Variants in COG3 observed in about 807,000 individuals in gnomAD.
COG3 encodes the protein conserved oligomeric Golgi complex subunit 3.
Under a neutral mutation model 114.1 loss-of-function variants are expected in COG3, and 32 were observed. The ratio of observed to expected loss-of-function variants is 0.28; its 90% CI spans 0.21 to 0.38. COG3 has a LOEUF of 0.38. Among genes scored for constraint, COG3 ranks in the 10% least tolerant of loss-of-function variants. The probability of loss-of-function intolerance (pLI) is 1.00; values close to 1 mark genes in which losing one functional copy is unlikely to be tolerated. For synonymous variants in COG3, 352 were observed against 365.7 expected (o/e 0.96, Z 0.43); for missense variants, 813 against 973.2 (o/e 0.84, Z 2.19).
chr13:45,488,048 A>T (rs954118039), intron 8 of COG3, among the ~76,000 whole-genome samples: 6 of 152,244 alleles, frequency 3.9e-5, no homozygotes, highest in African/African-American at 1.2e-4. Context: ...TTCAGCTGTA[A>T]CAAAAAATGA....
At chr13:45,494,325 TA>T (rs756763419) in intron 12 of COG3, among the ~76,000 whole-genome samples, 4,571 of 117,026 alleles carry the variant, frequency 0.039, 208 homozygotes, top group African/African-American at 0.12. Context: ...GACTCTGTCT[TA>T]AAAAAAAAAA....
Position 45,530,604 on chromosome 13 carries a change from A to C in COG3, c.2359-78A>C, listed in dbSNP as rs554970527. On this transcript the variant is annotated intron_variant, in intron 21 of 22. Coordinates refer to ENST00000349995, the MANE Select transcript of COG3 (RefSeq NM_031431.4). ...ATCGCTTCCACTCGCTTTGGCAAAT[A>C]TCATTACAATTTAACATTCATGGTG... 3 of 888,402 alleles carry C rather than the reference A, an allele frequency of 3.4e-6. No individual in the cohort carries two copies. In the South Asian group the frequency reaches 4.0e-5, roughly 12 times the overall value. The allele number at this position is 888,402 out of a possible 1,614,324, so 55.0% of individuals were successfully genotyped here.
rs751324974 is a variant in COG3, at chr13:45,482,458, A to G, written c.702A>G (p.Thr234=). 2.0e-6 allele frequency: 3 copies of G among 1,489,096 alleles called. No individual in the cohort carries two copies. Among genetic ancestry groups the G allele is most frequent in the Non-Finnish European group, 2.8e-6 (3 of 1,076,426 alleles). The allele number at this position is 1,489,096 out of a possible 1,614,324, so 92.2% of individuals were successfully genotyped here. A position where few individuals can be genotyped will look rare whatever the true frequency, so the allele number is the denominator to read the frequency against. Residue 234 remains threonine, a synonymous_variant, in exon 6 of 23, where the codon ACA becomes ACG. Transcript: ENST00000349995. ...PMLAKLDDCI[T]YISSHPNFKD... is the part of the protein sequence containing the mutation. ...TGGCCAAGTTAGATGATTGTATAAC[A>G]TATATCTCATCTCATGTAAGTCAGA...
chr13:45,518,728 A>G, intron 17 of COG3, 34 bp from the exon 18 acceptor site: 1 of 1,525,902 alleles, frequency 6.6e-7, no homozygotes, highest in South Asian at 1.2e-5. Flanking sequence ...TTGAAACTTT[A>G]CATGTTCACT....
intron 7 of COG3, 94 bp downstream of exon 7, chr13:45,483,449 A>G (rs1257301690): frequency 1.0e-6 from 1 of 966,808 alleles, no homozygotes; most frequent in Non-Finnish European, 1.4e-6. Context: ...AGTACTTTGT[A>G]ATTCCAAAAA....
At chr13:45,525,244 CAAGG>C (rs1872558696) in intron 20 of COG3, among the ~76,000 whole-genome samples, 193 bp downstream of exon 20, 1 of 151,922 alleles carries the variant, frequency 6.6e-6, no homozygotes, top group African/African-American at 2.4e-5. Context: ...GCAAGCATTC[CAAGG>C]AAGGAAGAAT....
chr13:45,465,023 C>T lies in COG3; in HGVS notation c.-14C>T, dbSNP rs1358451885. On this transcript the variant is annotated 5_prime_UTR_variant, in exon 1 of 23. Transcript: ENST00000349995. ...TCCATCTCGCTGCTGCTGAAGGCCG[C>T]GAGGGCGGCGGCGATGGCGGAGGCG... 3.2e-6 allele frequency: 5 copies of T among 1,555,868 alleles called. No homozygotes were observed. Among genetic ancestry groups the T allele is most frequent in the African/African-American group, 1.4e-5 (1 of 73,422 alleles).
chr13:45,488,175 T>G (rs529875016), intron 8 of COG3, among the ~76,000 whole-genome samples: 1 of 151,970 alleles, frequency 6.6e-6, no homozygotes, highest in Non-Finnish European at 1.5e-5. Flanking sequence ...ACTAAAAAAG[T>G]TGGTCTTGTG....
In COG3 at chr13:45,486,540, T is replaced by C. The variant is rs1886682392; in HGVS notation, c.889T>C (p.Tyr297His). 6.2e-7 allele frequency: 1 copy of C among 1,611,148 alleles called. No individual in the cohort carries two copies. Among genetic ancestry groups the C allele is most frequent in the Non-Finnish European group, 8.5e-7 (1 of 1,177,304 alleles). The stretch of plus-strand genomic sequence containing the variant: ...TGCAGACAATGCCTTCACATTATTT[T>C]ATGTGAAATTTCGAGCTGCTGCCCC... ...PNADNAFTLFYVKFRAAAPKV... is the reference protein window; with the variant it reads ...PNADNAFTLFHVKFRAAAPKV... Residue 297 changes from tyrosine to histidine, a missense_variant, in exon 8 of 23, where the codon TAT becomes CAT. Tyr to His is a moderately conservative substitution (Grantham distance 83). Transcript: ENST00000349995.
chr13:45,513,125 T>C (rs1593733906), intron 16 of COG3, among the ~76,000 whole-genome samples: 1 of 150,378 alleles, frequency 6.6e-6, no homozygotes, highest in South Asian at 2.1e-4. Context: ...ACTTGGAGTG[T>C]TCAGATCCTG....
intron 19 of COG3, among the ~76,000 whole-genome samples, chr13:45,522,286 AT>A (rs1458350790): frequency 6.6e-6 from 1 of 152,166 alleles, no homozygotes; most frequent in Non-Finnish European, 1.5e-5. Context: ...GTTTGGACTG[AT>A]TTTTAACAAT....
At position 45,465,363 on chromosome 13, in the gene COG3, C is replaced by T. The variant is rs530760522; in HGVS notation, c.174+153C>T. ...GGATCCGGTGGGAGGGGCCTCATCTCCCAGGCTGTCAGGCTTCGCTCTGCC... is the reference window on the plus strand; with the variant it reads ...GGATCCGGTGGGAGGGGCCTCATCTTCCAGGCTGTCAGGCTTCGCTCTGCC... On this transcript the variant is annotated intron_variant, in intron 1 of 22. Transcript: ENST00000349995. The T allele has an allele frequency of 6.2e-6, 8 of 1,282,716 alleles. No individual in the cohort carries two copies. In the African/African-American group the frequency reaches 9.1e-5, roughly 15 times the overall value. 79.5% of individuals were successfully genotyped at this position (1,282,716 alleles called of 1,614,324 possible).
chr13:45,489,668 G>GA (rs1233087655), intron 8 of COG3, among the ~76,000 whole-genome samples: 1 of 152,000 alleles, frequency 6.6e-6, no homozygotes, highest in Non-Finnish European at 1.5e-5. Context: ...TAAGGATGAA[G>GA]AAAATGACAA....
rs1873544874 is a variant in COG3 at position 45,536,314 on chromosome 13, A to G, written c.*1583A>G. On this transcript the variant is annotated 3_prime_UTR_variant, in exon 23 of 23. Transcript: ENST00000349995. The stretch of plus-strand genomic sequence containing the variant: ...AATGAGGGCATGATTATTGTACAGT[A>G]AGTACGTGACTGATTTAATTTGATT... 1 of 152,258 alleles carries G rather than the reference A, an allele frequency of 6.6e-6. No individual in the cohort carries two copies. The highest frequency in any genetic ancestry group is 2.4e-5 in the African/African-American group (1 of 41,468). 9.4% of individuals were successfully genotyped at this position (152,258 alleles called of 1,614,324 possible).
Position 45,529,855 on chromosome 13 carries a change from G to A in COG3, c.2295G>A (p.Leu765=). ...TAAAAACAAAGCTGCCTGTGACATT[G>A]AGAAGTATGTCCTTGTACCTATCCA... is the stretch of plus-strand genomic sequence containing the variant. ...KTIKTKLPVT[L]RSMSLYLSNK... The change falls in exon 21 of 23, where the codon TTG becomes TTA. Residue 765 remains leucine, a synonymous_variant. Coordinates refer to ENST00000349995, the MANE Select transcript of COG3 (RefSeq NM_031431.4). 6.2e-7 allele frequency: 1 copy of A among 1,613,742 alleles called. No homozygotes were observed. The highest frequency in any genetic ancestry group is 8.5e-7 in the Non-Finnish European group (1 of 1,179,718).
At chr13:45,468,862 C>T (rs1218220894) in intron 1 of COG3, among the ~76,000 whole-genome samples, 2 of 152,192 alleles carry the variant, frequency 1.3e-5, no homozygotes, top group African/African-American at 4.8e-5. Context: ...GTCACCTCCT[C>T]CTGAGAAGTG....
rs1284937708 is a variant in COG3 at position 45,536,208 on chromosome 13, A to T, written c.*1477A>T. 1 of 152,378 alleles carries T rather than the reference A, an allele frequency of 6.6e-6. No homozygotes were observed. The highest frequency in any genetic ancestry group is 1.9e-4 in the East Asian group (1 of 5,192). The allele number at this position is 152,378 out of a possible 1,614,324, so 9.4% of individuals were successfully genotyped here. On this transcript the variant is annotated 3_prime_UTR_variant, in exon 23 of 23. Coordinates refer to ENST00000349995, the MANE Select transcript of COG3 (RefSeq NM_031431.4). ...GTATTTACTTAACTGTTTTTTAAAT[A>T]CATGTTTAATGAAATAAACTGTAAA...
chr13:45,517,501 A>C (rs150823655), intron 17 of COG3, among the ~76,000 whole-genome samples: 2 of 152,114 alleles, frequency 1.3e-5, no homozygotes, highest in Non-Finnish European at 2.9e-5. Flanking sequence ...TAAAATTTTT[A>C]AATTATTTTT....
At chr13:45,516,945 T>C (rs900325104) in intron 17 of COG3, among the ~76,000 whole-genome samples, 4 of 152,152 alleles carry the variant, frequency 2.6e-5, no homozygotes, top group Non-Finnish European at 4.4e-5. Context: ...GAGTTGGTAA[T>C]AGACATTGAA....
Sources: allele counts gnomAD v4.1 joint callset (sites outside exome capture counted in the v4.1 genomes callset), GRCh38; gene constraint gnomAD v4.1.1; transcripts MANE v1.5; gene names NCBI Gene and HGNC (gene_info 2026-07-23, HGNC 2026-07-21).